The following SHROOM4 variants were observed in gnomAD, a reference collection of about 807,000 sequenced individuals.
The protein encoded by SHROOM4 is protein Shroom4.
In SHROOM4, 17 loss-of-function variants were observed where a neutral mutation model predicts 80.3. That is an observed-to-expected ratio of 0.21 (90% confidence interval 0.14 to 0.32). The LOEUF is 0.32. Among genes scored for constraint, SHROOM4 ranks in the 10% least tolerant of loss-of-function variants. SHROOM4 has a pLI of 1.00. For synonymous variants in SHROOM4, 400 were observed against 437.5 expected (o/e 0.91, Z 1.07); for missense variants, 993 against 1,140.3 (o/e 0.87, Z 1.86).
the SHROOM4 span, among the ~76,000 whole-genome samples, chrX:50,578,595 G>T: frequency 9.0e-6 from 1 of 111,311 alleles, no homozygotes; most frequent in Non-Finnish European, 1.9e-5. Context: ...GTGAGCCACC[G>T]TGCCAGGCCA....
At chrX:50,746,469 G>A (rs1484377054) in intron 1 of SHROOM4, among the ~76,000 whole-genome samples, 2 of 111,566 alleles carry the variant, frequency 1.8e-5, no homozygotes, top group African/African-American at 6.5e-5. Context: ...TCCAGCCACC[G>A]CCATCTCTGC....
chrX:50,792,843 T>C (rs1935881000), intron 1 of SHROOM4, among the ~76,000 whole-genome samples: 2 of 105,350 alleles, frequency 1.9e-5, no homozygotes, highest in Admixed American at 1.1e-4. Flanking sequence ...GGAACACTTG[T>C]ACACCATGGG....
At chrX:50,725,007 T>G (rs181842290) in intron 1 of SHROOM4, among the ~76,000 whole-genome samples, 10 of 112,301 alleles carry the variant, frequency 8.9e-5, no homozygotes, top group African/African-American at 3.2e-4. Flanking sequence ...AAATGTTTAT[T>G]CAAGTAAACT....
At chrX:50,767,316 C>T (rs1426303306) in intron 1 of SHROOM4, among the ~76,000 whole-genome samples, 1 of 111,946 alleles carries the variant, frequency 8.9e-6, no homozygotes. Flanking sequence ...CAATACCACA[C>T]AATCTTATAT....
intron 1 of SHROOM4, among the ~76,000 whole-genome samples, chrX:50,771,316 C>T (rs1935388934): frequency 8.9e-6 from 1 of 112,172 alleles, no homozygotes; most frequent in African/African-American, 3.2e-5. Context: ...GAGTGCTTTC[C>T]TAAACTGTGT....
In SHROOM4 at chrX:50,634,736, G is replaced by A; in HGVS notation, c.1337C>T (p.Thr446Ile). The A allele has an allele frequency of 1.7e-5, 21 of 1,211,893 alleles. No homozygotes were observed. The highest frequency in any genetic ancestry group is 2.3e-5 in the Non-Finnish European group (21 of 895,563). The change falls in exon 4 of 9, where the codon ACT (threonine) becomes ATT (isoleucine). Residue 446 changes from threonine (T) to isoleucine (I), a missense_variant. Coordinates refer to ENST00000376020, the MANE Select transcript of SHROOM4 (RefSeq NM_020717.5). ...LPPVQDGHQWTLSPLHSSHKG... is the reference protein window; with the variant it reads ...LPPVQDGHQWILSPLHSSHKG... ...GTGGCTGCTGTGCAAAGGGGACAGAGTCCACTGGTGCCCATCCTGTACGGG... is the reference window on the plus strand; with the variant it reads ...GTGGCTGCTGTGCAAAGGGGACAGAATCCACTGGTGCCCATCCTGTACGGG...
At chrX:50,803,238 C>T (rs2147735564) in intron 1 of SHROOM4, among the ~76,000 whole-genome samples, 1 of 112,058 alleles carries the variant, frequency 8.9e-6, no homozygotes, top group African/African-American at 3.2e-5. Flanking sequence ...AAACTAGTGC[C>T]CAGAATATGC....
intron 6 of SHROOM4, among the ~76,000 whole-genome samples, chrX:50,605,834 A>G (rs1331405501): frequency 8.9e-5 from 10 of 112,624 alleles, no homozygotes; most frequent in Admixed American, 3.7e-4. Flanking sequence ...AAATAGATAC[A>G]TAATGTCTGG....
At position 50,607,638 on chromosome X, in the gene SHROOM4, G is replaced by C. The variant is rs141453548; in HGVS notation, c.3504C>G (p.Thr1168=). The C allele has an allele frequency of 8.3e-7, 1 of 1,210,222 alleles. No homozygotes were observed. Among genetic ancestry groups the C allele is most frequent in the Admixed American group, 2.2e-5 (1 of 45,951 alleles). ...ELPPQYFSSE[T]SGSCALNPEE... ...CAGGATTGAGAGCACAGGAACCAGA[G>C]GTTTCTGAACTGAAATACTGGGGTG... is the stretch of plus-strand genomic sequence containing the variant. The change falls in exon 6 of 9, where the codon ACC becomes ACG. Residue 1168 remains threonine, a synonymous_variant. Transcript: ENST00000376020.
chrX:50,609,426 A>G (rs1929847820), intron 5 of SHROOM4, among the ~76,000 whole-genome samples: 1 of 111,467 alleles, frequency 9.0e-6, no homozygotes, highest in Admixed American at 9.6e-5. Flanking sequence ...TAAGTAAGGG[A>G]TAAAGTATAT....
intron 1 of SHROOM4, among the ~76,000 whole-genome samples, chrX:50,698,988 G>T (rs1459659234): frequency 1.8e-5 from 2 of 112,308 alleles, no homozygotes; most frequent in Non-Finnish European, 3.8e-5. Flanking sequence ...TACCTTGTTT[G>T]AGGGGCTGTA....
intron 2 of SHROOM4, among the ~76,000 whole-genome samples, chrX:50,678,896 C>T (rs782377730): frequency 8.5e-4 from 95 of 111,308 alleles, no homozygotes; most frequent in African/African-American, 2.7e-3. Context: ...AAAGAAAATA[C>T]AATTCCTCAT....
chrX:50,758,177 A>G (rs1358747341), intron 1 of SHROOM4, among the ~76,000 whole-genome samples: 3 of 111,955 alleles, frequency 2.7e-5, no homozygotes, highest in Admixed American at 9.5e-5. Context: ...TGTATAAAAT[A>G]TAATATTATC....
downstream of SHROOM4, among the ~76,000 whole-genome samples, chrX:50,583,919 TAATA>T (rs1928710176): frequency 1.8e-5 from 2 of 112,008 alleles, no homozygotes; most frequent in Admixed American, 9.5e-5. Flanking sequence ...AACTGTGAGG[TAATA>T]AATATGTGTT....
intron 2 of SHROOM4, among the ~76,000 whole-genome samples, chrX:50,686,635 G>A (rs1933079497): frequency 1.8e-5 from 2 of 111,101 alleles, no homozygotes; most frequent in African/African-American, 6.6e-5. Flanking sequence ...TTTTATATGT[G>A]TGTGTATATA....
At chrX:50,606,881 G>C (rs182390458) in intron 6 of SHROOM4, among the ~76,000 whole-genome samples, 10 of 110,004 alleles carry the variant, frequency 9.1e-5, no homozygotes, top group Admixed American at 7.8e-4. Flanking sequence ...TGGTGGTTGT[G>C]GGGGGACGAG....
chrX:50,641,042 C>T (rs182804935), intron 2 of SHROOM4, among the ~76,000 whole-genome samples: 60 of 112,499 alleles, frequency 5.3e-4, no homozygotes, highest in African/African-American at 1.8e-3. Flanking sequence ...ATGACTGTTC[C>T]CTCTGCCTGG....
At chrX:50,735,962 G>A (rs1218980695) in intron 1 of SHROOM4, among the ~76,000 whole-genome samples, 1 of 106,545 alleles carries the variant, frequency 9.4e-6, no homozygotes, top group African/African-American at 3.4e-5. Flanking sequence ...AGCCGAGACC[G>A]CGCCACTGCA....
At chrX:50,612,757 A>G (rs1450245489) in intron 5 of SHROOM4, among the ~76,000 whole-genome samples, 2 of 112,048 alleles carry the variant, frequency 1.8e-5, no homozygotes, top group Non-Finnish European at 3.8e-5. Context: ...GACAACATTA[A>G]TAAATCAAAG....
Sources: allele counts gnomAD v4.1 joint callset (sites outside exome capture counted in the v4.1 genomes callset), GRCh38; gene constraint gnomAD v4.1.1; transcripts MANE v1.5; gene names NCBI Gene and HGNC (gene_info 2026-07-23, HGNC 2026-07-21).